AMMECR1L: variants seen among roughly 807,000 people sequenced by gnomAD.
AMMECR1L encodes AMMECR1 like, also known as AMMECR1-like protein.
In AMMECR1L, 4 loss-of-function variants were observed where a neutral mutation model predicts 36.8. That is an observed-to-expected ratio of 0.11 (90% CI 0.05 to 0.25). The LOEUF (loss-of-function observed/expected upper bound fraction) is 0.25, where lower values mean the gene tolerates loss of function less well. Ranked by LOEUF, AMMECR1L falls within the 10% of genes least tolerant of loss-of-function variation. AMMECR1L has a pLI of 1.00. For missense variants in AMMECR1L, 232 were observed against 392.1 expected, an observed-to-expected ratio of 0.59 and a Z score of 3.45; for synonymous variants, 147 against 148.0, an observed-to-expected ratio of 0.99 and a Z score of 0.05.
chr2:127,867,237 G>C (rs1690728404), intron 6 of AMMECR1L: 1 of 985,478 alleles, frequency 1.0e-6, no homozygotes, highest in Non-Finnish European at 1.2e-6. Flanking sequence ...CAGGCTCCCT[G>C]CTCCTGCGTC....
chr2:127,865,024 G>T lies in AMMECR1L; in HGVS notation c.*70C>A. On this transcript the variant is annotated 3_prime_UTR_variant, in exon 8 of 8. Coordinates refer to ENST00000272647, the MANE Select transcript of AMMECR1L (RefSeq NM_001199140.2). The surrounding 1 kb of genome is among the most constrained non-coding windows in gnomAD (Gnocchi z 5.4). ...AGAAGTAACTGGACCAGGAAGAGGAGGCATCTGCTCCAATGATGTCATAGC... is the reference window on the plus strand; with the variant it reads ...AGAAGTAACTGGACCAGGAAGAGGATGCATCTGCTCCAATGATGTCATAGC... 1 of 1,006,818 alleles carries T rather than the reference G, an allele frequency of 9.9e-7. No homozygotes were observed. The highest frequency in any genetic ancestry group is 1.5e-6 in the Non-Finnish European group (1 of 652,774). 62.4% of individuals were successfully genotyped at this position (1,006,818 alleles called of 1,614,324 possible).
Position 127,864,949 on chromosome 2 carries a change from G to T in AMMECR1L, c.*145C>A. ...GTAACCCTACCCTCCCTCAGTCAGCGGGAGGCAGACTTGGCAACGGAAGCT... is the reference window on the plus strand; with the variant it reads ...GTAACCCTACCCTCCCTCAGTCAGCTGGAGGCAGACTTGGCAACGGAAGCT... On this transcript the variant is annotated 3_prime_UTR_variant, in exon 8 of 8. Coordinates refer to ENST00000272647, the MANE Select transcript of AMMECR1L (RefSeq NM_001199140.2). The T allele has an allele frequency of 1.6e-6, 1 of 613,342 alleles. No individual in the cohort carries two copies. Among genetic ancestry groups the T allele is most frequent in the East Asian group, 2.9e-5 (1 of 34,758 alleles). The allele number at this position is 613,342 out of a possible 1,614,324, so 38.0% of individuals were successfully genotyped here. A position where few individuals can be genotyped will look rare whatever the true frequency, so the allele number is the denominator to read the frequency against.
intron 1 of AMMECR1L, among the ~76,000 whole-genome samples, chr2:127,884,520 C>A (rs1691664775): frequency 1.3e-5 from 2 of 152,178 alleles, no homozygotes; most frequent in South Asian, 4.1e-4. Flanking sequence ...TGAATCATCT[C>A]ATCCTTAGCG....
At position 127,874,371 on chromosome 2, in the gene AMMECR1L, T is replaced by C. The variant is rs1032819644; in HGVS notation, c.-38-99A>G. On this transcript the variant is annotated intron_variant, in intron 2 of 7. Coordinates refer to ENST00000272647, the MANE Select transcript of AMMECR1L (RefSeq NM_001199140.2). This position sits in a 1 kb window ranked among gnomAD's most constrained non-coding sequence, Gnocchi z 5.2. ...GAGTCTGCATTGACCAGCTAAGAGC[T>C]GTCAAATTCTTTCTCCCACTCAACC... 2 of 1,168,008 alleles carry C rather than the reference T, an allele frequency of 1.7e-6. No homozygotes were observed. Among genetic ancestry groups the C allele is most frequent in the Non-Finnish European group, 1.2e-6 (1 of 848,382 alleles). 72.4% of individuals were successfully genotyped at this position (1,168,008 alleles called of 1,614,324 possible).
rs1371731309 is a variant in AMMECR1L at position 127,869,958 on chromosome 2, G to C, written c.634-414C>G. ...CATGCCTGTAATCCCAACAATTTGG[G>C]AGGCCAAGGCCGTCAGGAGTTTGAG... On this transcript the variant is annotated intron_variant, in intron 5 of 7. Coordinates refer to ENST00000272647, the MANE Select transcript of AMMECR1L (RefSeq NM_001199140.2). The surrounding 1 kb of genome is among the most constrained non-coding windows in gnomAD (Gnocchi z 4.7). 6.6e-6 allele frequency among the ~76,000 whole-genome samples: 1 copy of C among 152,162 alleles called. No homozygotes were observed. The highest frequency in any genetic ancestry group is 2.4e-5 in the African/African-American group (1 of 41,434).
chr2:127,883,888 C>A (rs1008461420), intron 2 of AMMECR1L, among the ~76,000 whole-genome samples: 2 of 152,176 alleles, frequency 1.3e-5, no homozygotes, highest in Admixed American at 1.3e-4. Context: ...CTTAAGACAA[C>A]CTCTTTGGTT....
chr2:127,876,349 CAAAAAA>C (rs11332960), intron 2 of AMMECR1L, among the ~76,000 whole-genome samples: 1 of 111,130 alleles, frequency 9.0e-6, no homozygotes. Flanking sequence ...GGCCCTGTCT[CAAAAAA>C]AAAAAAAAAA....
chr2:127,879,002 A>G (rs1164486218), intron 2 of AMMECR1L, among the ~76,000 whole-genome samples: 1 of 152,238 alleles, frequency 6.6e-6, no homozygotes, highest in Non-Finnish European at 1.5e-5. Context: ...CCAATATTTA[A>G]AAATTTCCAA....
Position 127,873,197 on chromosome 2 carries a change from A to G in AMMECR1L, c.407+631T>C. ...GAGCGGCTTCCAATTCTGAGGAAGA[A>G]GAAAATGCTAGCATGGAATTCTTCA... On this transcript the variant is annotated intron_variant, in intron 3 of 7. Transcript: ENST00000272647. This position sits in a 1 kb window ranked among gnomAD's most constrained non-coding sequence, Gnocchi z 5.2. 1.0e-6 allele frequency: 1 copy of G among 985,494 alleles called. No individual in the cohort carries two copies. The highest frequency in any genetic ancestry group is 1.2e-6 in the Non-Finnish European group (1 of 829,942). 61.0% of individuals were successfully genotyped at this position (985,494 alleles called of 1,614,324 possible). A position where few individuals can be genotyped will look rare whatever the true frequency, so the allele number is the denominator to read the frequency against.
intron 2 of AMMECR1L, among the ~76,000 whole-genome samples, chr2:127,879,375 C>A (rs1691389904): frequency 6.6e-6 from 1 of 152,192 alleles, no homozygotes; most frequent in Admixed American, 6.6e-5. Flanking sequence ...TCCCAACTCT[C>A]TCCTGCTCCT....
chr2:127,867,101 G>A (rs1400431723), intron 6 of AMMECR1L, 105 bp from the exon 7 acceptor site: 16 of 1,546,588 alleles, frequency 1.0e-5, no homozygotes, highest in South Asian at 2.4e-5. Flanking sequence ...AAGCAGCCGA[G>A]TCTGCTAAGG....
intron 3 of AMMECR1L, among the ~76,000 whole-genome samples, chr2:127,872,419 C>T (rs1305561043): frequency 6.6e-6 from 1 of 152,124 alleles, no homozygotes; most frequent in African/African-American, 2.4e-5. Flanking sequence ...AAGGCTATAT[C>T]AGATTGACAG....
Position 127,881,693 on chromosome 2 carries a change from C to G in AMMECR1L, c.-39+2510G>C, listed in dbSNP as rs955268126. Among the ~76,000 whole-genome samples, 8 of 152,240 alleles carry G rather than the reference C, an allele frequency of 5.3e-5. 1 individual carries two copies. Among genetic ancestry groups the G allele is most frequent in the Admixed American group, 5.2e-4 (8 of 15,286 alleles). On this transcript the variant is annotated intron_variant, in intron 2 of 7. Coordinates refer to ENST00000272647, the MANE Select transcript of AMMECR1L (RefSeq NM_001199140.2). ...TAAGTGTCTGCTGTTACCAATACTT[C>G]CCTACCCCACTGATAAAAGTAGCGT...
rs530434216 is a variant in AMMECR1L at position 127,863,184 on chromosome 2, C to T, written c.*1910G>A. On this transcript the variant is annotated 3_prime_UTR_variant, in exon 8 of 8. Transcript: ENST00000272647. Reference sequence around the variant, plus strand: ...AGTCCAGAGCTGACCACCCTGACATCGATCCATGGCACCTAAGAGTAACCG... The same window carrying T: ...AGTCCAGAGCTGACCACCCTGACATTGATCCATGGCACCTAAGAGTAACCG... The T allele has an allele frequency of 7.2e-5, 11 of 152,760 alleles. No individual in the cohort carries two copies. Among genetic ancestry groups the T allele is most frequent in the Admixed American group, 5.2e-4 (8 of 15,296 alleles). 9.5% of individuals were successfully genotyped at this position (152,760 alleles called of 1,614,324 possible). A position where few individuals can be genotyped will look rare whatever the true frequency, so the allele number is the denominator to read the frequency against.
Position 127,873,316 on chromosome 2 carries a change from A to G in AMMECR1L, c.407+512T>C. 1.0e-6 allele frequency: 1 copy of G among 985,468 alleles called. No homozygotes were observed. The highest frequency in any genetic ancestry group is 1.2e-6 in the Non-Finnish European group (1 of 829,930). 61.0% of individuals were successfully genotyped at this position (985,468 alleles called of 1,614,324 possible). ...AATCTTGAACTAAAAATACTGAAGC[A>G]GATTCTGACTTCTTGATGGGATGTG... On this transcript the variant is annotated intron_variant, in intron 3 of 7. Transcript: ENST00000272647. This position sits in a 1 kb window ranked among gnomAD's most constrained non-coding sequence, Gnocchi z 5.2.
At chr2:127,870,727 C>A (rs1031060947) in intron 5 of AMMECR1L, 87 bp downstream of exon 5, 2 of 1,010,232 alleles carry the variant, frequency 2.0e-6, no homozygotes, top group African/African-American at 3.2e-5. Context: ...TATACCCTTT[C>A]TCTCAATGAA....
At chr2:127,881,246 G>A (rs369535504) in intron 2 of AMMECR1L, among the ~76,000 whole-genome samples, 12 of 151,470 alleles carry the variant, frequency 7.9e-5, no homozygotes, top group Non-Finnish European at 1.0e-4. Flanking sequence ...ATTTGCCTGG[G>A]TGGCCATTTG....
In AMMECR1L at chr2:127,862,008, T is replaced by C. The variant is rs1287133532; in HGVS notation, c.*3086A>G. 1 of 152,590 alleles carries C rather than the reference T, an allele frequency of 6.6e-6. No homozygotes were observed. Among genetic ancestry groups the C allele is most frequent in the Non-Finnish European group, 1.5e-5 (1 of 68,032 alleles). The allele number at this position is 152,590 out of a possible 1,614,324, so 9.5% of individuals were successfully genotyped here. A position where few individuals can be genotyped will look rare whatever the true frequency, so the allele number is the denominator to read the frequency against. On this transcript the variant is annotated 3_prime_UTR_variant, in exon 8 of 8. Coordinates refer to ENST00000272647, the MANE Select transcript of AMMECR1L (RefSeq NM_001199140.2). ...CTACAAACCTTTCATGTTGAAAGGG[T>C]CTCTAACATGAGTTGTTTTATTATT... is the stretch of plus-strand genomic sequence containing the variant.
chr2:127,866,614 TCTCCCCCTCAGC>T (rs1360616318), intron 7 of AMMECR1L, among the ~76,000 whole-genome samples: 1 of 152,152 alleles, frequency 6.6e-6, no homozygotes, highest in African/African-American at 2.4e-5. Context: ...CTAATCTCAG[TCTCCCCCTCAGC>T]CTCCCAACCA....
Sources: allele counts gnomAD v4.1 joint callset (sites outside exome capture counted in the v4.1 genomes callset), GRCh38; gene constraint gnomAD v4.1.1; non-coding constraint Gnocchi (gnomAD v3.1); transcripts MANE v1.5; gene names NCBI Gene and HGNC (gene_info 2026-07-23, HGNC 2026-07-21).